PAM: variants seen among roughly 807,000 people sequenced by gnomAD.
PAM encodes the protein peptidyl-glycine alpha-amidating monooxygenase.
Under a neutral mutation model 122.1 loss-of-function variants are expected in PAM, and 72 were observed. The observed-to-expected ratio is 0.59, with a 90% CI of 0.49 to 0.72. The LOEUF is 0.72. PAM is among the 30% of genes least tolerant of loss of function. The pLI, the probability that PAM is intolerant of heterozygous loss-of-function variation, is 0.00. For missense variants in PAM, 1,106 were observed against 1,183.7 expected (o/e 0.93, Z 0.96); for synonymous variants, 389 against 404.4 (o/e 0.96, Z 0.46).
At chr5:102,912,761 C>G (rs1172499761) in intron 4 of PAM, among the ~76,000 whole-genome samples, 1 of 151,932 alleles carries the variant, frequency 6.6e-6, no homozygotes, top group Non-Finnish European at 1.5e-5. Flanking sequence ...TGGCCATTCT[C>G]TCTTCATTAA....
At chr5:102,948,887 T>C (rs1330049715) in intron 9 of PAM, among the ~76,000 whole-genome samples, 1 of 152,058 alleles carries the variant, frequency 6.6e-6, no homozygotes, top group African/African-American at 2.4e-5. Flanking sequence ...AAAATGGGGA[T>C]GATAATAGCT....
At chr5:102,756,206 C>T (rs1273757127) in intron 1 of PAM, among the ~76,000 whole-genome samples, 1 of 152,154 alleles carries the variant, frequency 6.6e-6, no homozygotes, top group Admixed American at 6.5e-5. Context: ...ATGGCAGGTC[C>T]TGTGTTCTGA....
chr5:102,792,626 G>A (rs993954881), intron 1 of PAM, among the ~76,000 whole-genome samples: 2 of 152,160 alleles, frequency 1.3e-5, no homozygotes, highest in Admixed American at 6.5e-5. Context: ...ATGAAAGGCT[G>A]ATGACAAATT....
chr5:103,029,633 C>CTTA lies in PAM; in HGVS notation c.*571_*573dup, dbSNP rs1049483625. On this transcript the variant is annotated 3_prime_UTR_variant, in exon 26 of 26. Coordinates refer to ENST00000438793, the MANE Select transcript of PAM (RefSeq NM_001177306.2). ...TTCAGTTGGTGTGTTTTTGGGATGTCTTATTTTTAGATGGTTACACTGTTA... is the reference window on the plus strand; with the variant it reads ...TTCAGTTGGTGTGTTTTTGGGATGTCTTATTATTTTTAGATGGTTACACTGTTA... The CTTA allele has an allele frequency of 2.2e-4, 33 of 152,512 alleles. No homozygotes were observed. Among genetic ancestry groups the CTTA allele is most frequent in the African/African-American group, 7.0e-4 (29 of 41,494 alleles). 9.4% of individuals were successfully genotyped at this position (152,512 alleles called of 1,614,324 possible). A position where few individuals can be genotyped will look rare whatever the true frequency, so the allele number is the denominator to read the frequency against.
intron 1 of PAM, among the ~76,000 whole-genome samples, chr5:102,821,278 G>A (rs1446917404): frequency 6.6e-6 from 1 of 152,098 alleles, no homozygotes; most frequent in African/African-American, 2.4e-5. Flanking sequence ...GAAAGAATGA[G>A]GATAATTTTG....
intron 1 of PAM, among the ~76,000 whole-genome samples, chr5:102,763,136 C>T (rs1752875329): frequency 1.3e-5 from 2 of 152,286 alleles, no homozygotes; most frequent in South Asian, 4.1e-4. Context: ...AACAGACTCT[C>T]TTGGTCCCAT....
At chr5:103,003,190 A>AAT (rs1562208176) in intron 17 of PAM, 41 bp downstream of exon 17, 1 of 884,758 alleles carries the variant, frequency 1.1e-6, no homozygotes, top group Non-Finnish European at 1.9e-6. Flanking sequence ...TGTACTACAT[A>AAT]TATTGAGTAT....
intron 4 of PAM, among the ~76,000 whole-genome samples, chr5:102,905,298 G>A (rs1349318670): frequency 6.6e-6 from 1 of 151,596 alleles, no homozygotes; most frequent in African/African-American, 2.4e-5. Flanking sequence ...TGGATGACCT[G>A]TAAATAATTG....
At chr5:102,886,720 GCAT>G (rs1322299849) in intron 3 of PAM, among the ~76,000 whole-genome samples, 4 of 152,036 alleles carry the variant, frequency 2.6e-5, no homozygotes, top group Non-Finnish European at 5.9e-5. Context: ...ACCAATGACT[GCAT>G]CTTACTCATC....
intron 6 of PAM, among the ~76,000 whole-genome samples, chr5:102,926,292 G>A (rs1749510353): frequency 6.6e-6 from 1 of 152,208 alleles, no homozygotes; most frequent in Non-Finnish European, 1.5e-5. Flanking sequence ...AATAGAGACA[G>A]AATTTTGTTT....
chr5:102,830,252 GT>G (rs1306722667), intron 1 of PAM, among the ~76,000 whole-genome samples: 1 of 151,860 alleles, frequency 6.6e-6, no homozygotes, highest in Non-Finnish European at 1.5e-5. Flanking sequence ...TAGCATAATT[GT>G]TTTTTTTCTT....
At chr5:102,790,919 G>A (rs1330684866) in intron 1 of PAM, among the ~76,000 whole-genome samples, 1 of 152,002 alleles carries the variant, frequency 6.6e-6, no homozygotes, top group Non-Finnish European at 1.5e-5. Flanking sequence ...TCATTTGTTT[G>A]TGTGTCAGCC....
intron 1 of PAM, among the ~76,000 whole-genome samples, chr5:102,805,580 C>T (rs896932748): frequency 6.6e-6 from 1 of 152,152 alleles, no homozygotes; most frequent in African/African-American, 2.4e-5. Flanking sequence ...CCGTTTCTAA[C>T]CTCTGGACCT....
intron 1 of PAM, among the ~76,000 whole-genome samples, chr5:102,802,048 G>T (rs1377772963): frequency 6.6e-6 from 1 of 151,992 alleles, no homozygotes; most frequent in Non-Finnish European, 1.5e-5. Flanking sequence ...CTCCCAAAGT[G>T]CTGGGATTAC....
At chr5:102,868,688 T>A (rs987813319) in intron 3 of PAM, among the ~76,000 whole-genome samples, 13 of 152,054 alleles carry the variant, frequency 8.5e-5, no homozygotes, top group South Asian at 2.1e-4. Context: ...GTATTTTTTT[T>A]AAAATATCCA....
At chr5:102,813,328 A>G (rs182228148) in intron 1 of PAM, among the ~76,000 whole-genome samples, 16 of 152,314 alleles carry the variant, frequency 1.1e-4, no homozygotes, top group Admixed American at 8.5e-4. Flanking sequence ...AACTTCAAAG[A>G]TCTTGATTTC....
chr5:102,922,630 C>T (rs1253568951), intron 5 of PAM, among the ~76,000 whole-genome samples: 2 of 152,210 alleles, frequency 1.3e-5, no homozygotes, highest in African/African-American at 2.4e-5. Flanking sequence ...CCAGTTTTCT[C>T]TGTTATATTT....
In PAM at chr5:102,801,817, C is replaced by T. The variant is rs544041767; in HGVS notation, c.-374+46469C>T. On this transcript the variant is annotated intron_variant, in intron 1 of 25. Coordinates refer to ENST00000438793, the MANE Select transcript of PAM (RefSeq NM_001177306.2). ...TTTTTGAGACGGAGTCTCGCTCTGT[C>T]GCCCAGGCTGGAGTGCAGTGGCGCG... Among the ~76,000 whole-genome samples, 381 of 123,708 alleles carry T rather than the reference C, an allele frequency of 3.1e-3. 2 individuals are homozygous for T. The highest frequency in any genetic ancestry group is 0.011 in the African/African-American group (356 of 31,136). 81.2% of individuals were successfully genotyped at this position (123,708 alleles called of 152,430 possible).
intron 5 of PAM, among the ~76,000 whole-genome samples, chr5:102,917,400 CT>C (rs1401469131): frequency 6.6e-6 from 1 of 152,164 alleles, no homozygotes; most frequent in Non-Finnish European, 1.5e-5. Flanking sequence ...ATAGACAGCA[CT>C]TAAATGAAGA....
Sources: gnomAD v4.1 joint callset for allele counts (sites outside exome capture counted in the v4.1 genomes callset) on GRCh38, gnomAD v4.1.1 for gene constraint, MANE v1.5 for transcripts, NCBI Gene and HGNC (gene_info 2026-07-23, HGNC 2026-07-21) for gene names.